The following RBM39 variants were observed in gnomAD, a reference collection of about 807,000 sequenced individuals.
RBM39 encodes RNA-binding protein 39.
RBM39 carries 12 observed loss-of-function variants against 79.6 expected under a neutral mutation model. That is an observed-to-expected ratio of 0.15 (90% confidence interval 0.10 to 0.24). The LOEUF is 0.24. Among genes scored for constraint, RBM39 ranks in the 10% least tolerant of loss-of-function variants. The pLI is 1.00. For synonymous variants in RBM39, 185 were observed against 208.4 expected (o/e 0.89, Z 0.97); for missense variants, 243 against 653.4 (o/e 0.37, Z 6.85).
At chr20:35,709,180 C>T in intron 13 of RBM39, 44 bp downstream of exon 13, 2 of 1,517,586 alleles carry the variant, frequency 1.3e-6, no homozygotes, top group South Asian at 2.4e-5. Flanking sequence ...ACATTTAATT[C>T]TATTTCAAAG....
chr20:35,735,184 T>C, intron 3 of RBM39: 1 of 1,351,126 alleles, frequency 7.4e-7, no homozygotes. Flanking sequence ...TTTAATGTTA[T>C]CTTTTATTGA....
chr20:35,728,489 T>G (rs180967506), intron 6 of RBM39, among the ~76,000 whole-genome samples: 1 of 152,064 alleles, frequency 6.6e-6, no homozygotes, highest in East Asian at 1.9e-4. Context: ...TACATTAAAA[T>G]AACTTTAGAC....
chr20:35,718,923 T>C (rs1016825359), intron 9 of RBM39, among the ~76,000 whole-genome samples: 3 of 151,152 alleles, frequency 2.0e-5, no homozygotes, highest in East Asian at 1.9e-4. Context: ...GAGGTTGCAG[T>C]GAGCTATCGC....
At position 35,716,728 on chromosome 20, in the gene RBM39, G is replaced by C. The variant is rs765485203; in HGVS notation, c.891+12C>G. ...AAAAACCCTAAGTAATATAATTATG[G>C]TAATTACTTACTGTAATAAATCCAT... is the stretch of plus-strand genomic sequence containing the variant. On this transcript the variant is annotated intron_variant, in intron 10 of 16. Coordinates refer to ENST00000253363, the MANE Select transcript of RBM39 (RefSeq NM_184234.3). 6.8e-7 allele frequency: 1 copy of C among 1,473,544 alleles called. No individual in the cohort carries two copies. The highest frequency in any genetic ancestry group is 2.3e-5 in the East Asian group (1 of 43,826). The allele number at this position is 1,473,544 out of a possible 1,614,324, so 91.3% of individuals were successfully genotyped here.
Position 35,709,264 on chromosome 20 carries a change from A to G in RBM39, c.1185T>C (p.Phe395=), listed in dbSNP as rs2036121145. Reference sequence around the variant, plus strand: ...AAAGTCTTGTTTGCAAATCTATAACAAAAGAGAATTCTACAGCTCAGTGCA... The same window carrying G: ...AAAGTCTTGTTTGCAAATCTATAACGAAAGAGAATTCTACAGCTCAGTGCA... The part of the protein sequence containing the change: ...LAFGAVAEFS[F]VIDLQTRLSQ... Residue 395 remains phenylalanine, a synonymous_variant, in exon 13 of 17, where the codon TTT becomes TTC. Coordinates refer to ENST00000253363, the MANE Select transcript of RBM39 (RefSeq NM_184234.3). 13 of 1,609,900 alleles carry G rather than the reference A, an allele frequency of 8.1e-6. No homozygotes were observed. The highest frequency in any genetic ancestry group is 1.1e-5 in the Non-Finnish European group (13 of 1,178,784).
chr20:35,739,207 A>C (rs1600664230), intron 2 of RBM39, 190 bp from the exon 3 acceptor site: 1 of 628,138 alleles, frequency 1.6e-6, no homozygotes, highest in African/African-American at 1.9e-5. Flanking sequence ...GCTTACATTT[A>C]AGTCATCAAG....
At chr20:35,737,870 A>G (rs2040124304) in intron 3 of RBM39, among the ~76,000 whole-genome samples, 1 of 124,302 alleles carries the variant, frequency 8.0e-6, no homozygotes, top group African/African-American at 3.2e-5. Context: ...AAAAAAAAAA[A>G]AGGCCAGGCG....
rs558481936 is a variant in RBM39, at chr20:35,714,108, T to C, written c.1096+77A>G. 135 of 1,422,092 alleles carry C rather than the reference T, an allele frequency of 9.5e-5. 1 individual carries two copies. Among genetic ancestry groups the C allele is most frequent in the South Asian group, 2.8e-4 (23 of 81,718 alleles). The allele number at this position is 1,422,092 out of a possible 1,614,324, so 88.1% of individuals were successfully genotyped here. On this transcript the variant is annotated intron_variant, in intron 11 of 16. Coordinates refer to ENST00000253363, the MANE Select transcript of RBM39 (RefSeq NM_184234.3). ...AAATAAGATAAAATCTTTTTCCCTT[T>C]CTTAGTTTACATGGCTACCTTTCTT...
At position 35,713,143 on chromosome 20, in the gene RBM39, A is replaced by C. The variant is rs183312028; in HGVS notation, c.1097-47T>G. On this transcript the variant is annotated intron_variant, in intron 11 of 16. Coordinates refer to ENST00000253363, the MANE Select transcript of RBM39 (RefSeq NM_184234.3). ...GTTCCTACTATGTTGAGAGCAGAGA[A>C]ACGAAGTTTCCTGGGTCATTAATAT... The C allele has an allele frequency of 3.2e-5, 49 of 1,520,530 alleles. No individual in the cohort carries two copies. In the East Asian group the frequency reaches 1.0e-3, roughly 32 times the overall value. 94.2% of individuals were successfully genotyped at this position (1,520,530 alleles called of 1,614,324 possible).
At chr20:35,733,112 G>A (rs2039542179) in intron 3 of RBM39, among the ~76,000 whole-genome samples, 2 of 151,086 alleles carry the variant, frequency 1.3e-5, no homozygotes, top group Admixed American at 6.6e-5. Flanking sequence ...AGACCAGCCC[G>A]GCCAACACGG....
intron 9 of RBM39, among the ~76,000 whole-genome samples, chr20:35,718,886 A>G (rs1263158564): frequency 6.6e-6 from 1 of 150,658 alleles, no homozygotes; most frequent in East Asian, 2.0e-4. Flanking sequence ...GGGAAGCTGT[A>G]GAAGAATTGC....
intron 6 of RBM39, among the ~76,000 whole-genome samples, chr20:35,727,624 C>T (rs545677315): frequency 3.2e-4 from 49 of 151,576 alleles, no homozygotes; most frequent in South Asian, 4.2e-4. Context: ...TACAGGTGCA[C>T]ACCACCATGC....
chr20:35,733,290 C>G (rs1473782804), intron 3 of RBM39, among the ~76,000 whole-genome samples: 2 of 98,400 alleles, frequency 2.0e-5, no homozygotes, highest in Non-Finnish European at 4.0e-5. Flanking sequence ...GCAAAAAGAG[C>G]AAAACACCAT....
intron 3 of RBM39, chr20:35,735,121 A>G (rs1218709012): frequency 6.8e-7 from 1 of 1,473,714 alleles, no homozygotes; most frequent in South Asian, 1.5e-5. Context: ...CATTTATTCC[A>G]AAATTTATAG....
intron 9 of RBM39, 36 bp downstream of exon 9, chr20:35,721,704 A>C (rs760572450): frequency 1.2e-6 from 2 of 1,604,506 alleles, no homozygotes; most frequent in Non-Finnish European, 8.5e-7. Flanking sequence ...TCAGATCAAC[A>C]ACCTACTGAA....
At chr20:35,740,914 G>A (rs2040428734) in intron 1 of RBM39, 27 bp from the exon 2 acceptor site, 13 of 1,524,462 alleles carry the variant, frequency 8.5e-6, no homozygotes, top group Non-Finnish European at 1.2e-5. Flanking sequence ...ACAATTTCTT[G>A]AGTAAACATT....
intron 6 of RBM39, among the ~76,000 whole-genome samples, chr20:35,728,016 G>A (rs1370744331): frequency 6.6e-6 from 1 of 152,034 alleles, no homozygotes; most frequent in Non-Finnish European, 1.5e-5. Context: ...TCGATCTCTT[G>A]ACCTTGTGGA....
chr20:35,740,204 T>C (rs953463990), intron 2 of RBM39: 1 of 170,758 alleles, frequency 5.9e-6, no homozygotes, highest in African/African-American at 2.4e-5. Context: ...TTGTATTTTT[T>C]TTTTTTAATT....
At chr20:35,717,136 T>C (rs2037235555) in intron 9 of RBM39, among the ~76,000 whole-genome samples, 1 of 152,022 alleles carries the variant, frequency 6.6e-6, no homozygotes, top group Admixed American at 6.6e-5. Context: ...AAAAATTGTC[T>C]GGGCTTGGTG....
Sources: gnomAD v4.1 joint callset for allele counts (sites outside exome capture counted in the v4.1 genomes callset) on GRCh38, gnomAD v4.1.1 for gene constraint, MANE v1.5 for transcripts, NCBI Gene and HGNC (gene_info 2026-07-23, HGNC 2026-07-21) for gene names.